The following MTREX variants were observed in gnomAD, a reference collection of about 807,000 sequenced individuals.
MTREX encodes exosome RNA helicase MTR4.
A neutral mutation model predicts 135.4 loss-of-function variants in MTREX; 76 were observed. The ratio of observed to expected loss-of-function variants is 0.56; its 90% confidence interval spans 0.47 to 0.68. MTREX has a LOEUF of 0.68. Ranked by LOEUF, MTREX falls within the 30% of genes least tolerant of loss-of-function variation. The pLI, the probability that MTREX is intolerant of heterozygous loss-of-function variation, is 0.00. For synonymous variants in MTREX, 404 were observed against 401.6 expected, an observed-to-expected ratio of 1.01 and a Z score of -0.07; for missense variants, 920 against 1,262.1, an observed-to-expected ratio of 0.73 and a Z score of 4.11.
intron 1 of MTREX, among the ~76,000 whole-genome samples, chr5:55,312,715 A>G (rs923420729): frequency 1.3e-5 from 2 of 152,182 alleles, no homozygotes; most frequent in South Asian, 2.1e-4. Flanking sequence ...TTATACCTCC[A>G]TCTGTTACTG....
intron 5 of MTREX, 125 bp from the exon 6 acceptor site, chr5:55,339,885 G>T (rs1393685483): frequency 3.4e-5 from 18 of 531,750 alleles, no homozygotes; most frequent in Non-Finnish European, 5.6e-5. Flanking sequence ...TGGTGTTACT[G>T]TTCTTCAGAG....
intron 5 of MTREX, among the ~76,000 whole-genome samples, chr5:55,334,575 CTA>C (rs1749524638): frequency 6.6e-6 from 1 of 151,998 alleles, no homozygotes; most frequent in East Asian, 1.9e-4. Context: ...TTTTTTAAGT[CTA>C]TGTGAATAGC....
intron 6 of MTREX, 27 bp from the exon 7 acceptor site, chr5:55,341,653 TA>T: frequency 1.5e-6 from 2 of 1,301,016 alleles, no homozygotes; most frequent in South Asian, 1.3e-5. Flanking sequence ...AGAATCCAAC[TA>T]AATACATTTT....
intron 18 of MTREX, among the ~76,000 whole-genome samples, chr5:55,386,031 TTTTTA>T (rs1242591904): frequency 1.3e-5 from 2 of 152,210 alleles, no homozygotes; most frequent in African/African-American, 4.8e-5. Flanking sequence ...GTGAAGTACA[TTTTTA>T]TTAATTTTGG....
chr5:55,342,944 C>T (rs1484620381), intron 7 of MTREX, among the ~76,000 whole-genome samples: 1 of 152,060 alleles, frequency 6.6e-6, no homozygotes, highest in East Asian at 1.9e-4. Context: ...TGAACGATGC[C>T]GTCTGGAATA....
At chr5:55,322,068 ATATAT>A (rs1749298033) in intron 1 of MTREX, among the ~76,000 whole-genome samples, 1 of 152,194 alleles carries the variant, frequency 6.6e-6, no homozygotes, top group Admixed American at 6.5e-5. Flanking sequence ...TTTAAAGAAA[ATATAT>A]TTAATAGTTA....
Position 55,405,583 on chromosome 5 carries a change from A to G in MTREX, c.2640A>G (p.Ile880Met), listed in dbSNP as rs1276169198. 1 of 1,610,472 alleles carries G rather than the reference A, an allele frequency of 6.2e-7. No individual in the cohort carries two copies. Among genetic ancestry groups the G allele is most frequent in the South Asian group, 1.1e-5 (1 of 90,304 alleles). ...IEMKGRVACE[I>M]SSADELLLTE... ...TGAAAGGACGAGTGGCTTGTGAGATAAGCAGGTAAAATCTGGTTATTGTTC... is the reference window on the plus strand; with the variant it reads ...TGAAAGGACGAGTGGCTTGTGAGATGAGCAGGTAAAATCTGGTTATTGTTC... The change falls in exon 22 of 27, where the codon ATA becomes ATG. Residue 880 changes from isoleucine to methionine, a missense_variant. Transcript: ENST00000230640.
chr5:55,308,747 C>T (rs1749033230), intron 1 of MTREX, among the ~76,000 whole-genome samples: 1 of 152,148 alleles, frequency 6.6e-6, no homozygotes, highest in African/African-American at 2.4e-5. Flanking sequence ...TTACTGGACC[C>T]TACCCATATG....
At chr5:55,400,165 C>A in intron 20 of MTREX, 68 bp from the exon 21 acceptor site, 2 of 1,187,318 alleles carry the variant, frequency 1.7e-6, no homozygotes, top group South Asian at 1.9e-5. Context: ...AAAAGGGAAA[C>A]ACTGATTTGG....
intron 19 of MTREX, among the ~76,000 whole-genome samples, chr5:55,396,118 GATTT>G (rs964054994): frequency 6.6e-6 from 1 of 152,126 alleles, no homozygotes; most frequent in African/African-American, 2.4e-5. Context: ...GGGTATGTGG[GATTT>G]ATTTCATTCT....
chr5:55,407,656 C>T (rs1027737193), intron 22 of MTREX, among the ~76,000 whole-genome samples: 6 of 152,078 alleles, frequency 3.9e-5, no homozygotes, highest in Non-Finnish European at 2.9e-5. Flanking sequence ...AATGTGTATC[C>T]CTCATTATTT....
Position 55,324,120 on chromosome 5 carries a change from A to T in MTREX, c.273-12A>T. ...ATTTGTTTTTGTGTAACTTTAAACA[A>T]TTCTTTTTAAGTTTGGCAGACCTGA... On this transcript the variant is annotated splice_polypyrimidine_tract_variant and intron_variant, in intron 2 of 26. Coordinates refer to ENST00000230640, the MANE Select transcript of MTREX (RefSeq NM_015360.5). 6.2e-7 allele frequency: 1 copy of T among 1,601,936 alleles called. No individual in the cohort carries two copies. The highest frequency in any genetic ancestry group is 8.5e-7 in the Non-Finnish European group (1 of 1,171,650).
chr5:55,348,971 C>T (rs1225180362), intron 11 of MTREX, among the ~76,000 whole-genome samples: 1 of 151,990 alleles, frequency 6.6e-6, no homozygotes, highest in Non-Finnish European at 1.5e-5. Context: ...AATAATAGTT[C>T]CTGTGTCCTG....
At chr5:55,340,936 A>G (rs575534289) in intron 6 of MTREX, among the ~76,000 whole-genome samples, 2 of 152,186 alleles carry the variant, frequency 1.3e-5, no homozygotes, top group Admixed American at 6.5e-5. Context: ...CCATAATTGC[A>G]GTTAAGTTTT....
chr5:55,392,572 G>C (rs1253656704), intron 19 of MTREX, among the ~76,000 whole-genome samples: 1 of 149,258 alleles, frequency 6.7e-6, no homozygotes, highest in Non-Finnish European at 1.5e-5. Flanking sequence ...AAATTCCCCA[G>C]TCTTTACTTA....
intron 22 of MTREX, among the ~76,000 whole-genome samples, chr5:55,407,218 T>A (rs1750821718): frequency 6.6e-6 from 1 of 152,188 alleles, no homozygotes; most frequent in African/African-American, 2.4e-5. Flanking sequence ...GATGTCTTCA[T>A]AGAACCAGGA....
chr5:55,388,226 G>A (rs1750510644), intron 19 of MTREX, 124 bp downstream of exon 19: 1 of 719,404 alleles, frequency 1.4e-6, no homozygotes, highest in East Asian at 3.1e-5. Context: ...AGTTTTCAAG[G>A]TATTTTAAGG....
rs1378349061 is a variant in MTREX at position 55,414,258 on chromosome 5, TTTTTG to T, written c.2808+21_2808+25del. ...ATGCAGGTAAGGTTTTTTTTTTTTT[TTTTTG>T]AACTACATATTTTATGAATAGTAGA... On this transcript the variant is annotated intron_variant, in intron 24 of 26. Transcript: ENST00000230640. 6.5e-7 allele frequency: 1 copy of T among 1,549,746 alleles called. No homozygotes were observed. The highest frequency in any genetic ancestry group is 8.7e-7 in the Non-Finnish European group (1 of 1,153,232).
intron 12 of MTREX, 21 bp downstream of exon 12, chr5:55,349,673 G>A (rs577879883): frequency 7.6e-7 from 1 of 1,310,970 alleles, no homozygotes; most frequent in East Asian, 2.3e-5. Flanking sequence ...AGTATCAGTA[G>A]ATAAAAGTGT....
Sources: allele counts gnomAD v4.1 joint callset (sites outside exome capture counted in the v4.1 genomes callset), GRCh38; gene constraint gnomAD v4.1.1; transcripts MANE v1.5; gene names NCBI Gene and HGNC (gene_info 2026-07-23, HGNC 2026-07-21).